Variants in SRC observed in about 807,000 individuals in gnomAD.
SRC encodes the protein proto-oncogene tyrosine-protein kinase Src.
A neutral mutation model predicts 62.9 loss-of-function variants in SRC; 13 were observed. The observed-to-expected ratio is 0.21, with a 90% CI of 0.13 to 0.33. The LOEUF (loss-of-function observed/expected upper bound fraction) is 0.33, where lower values mean the gene tolerates loss of function less well. SRC is among the 10% of genes least tolerant of loss of function. The pLI is 1.00. For synonymous variants in SRC, 302 were observed against 317.5 expected (o/e 0.95, Z 0.52); for missense variants, 457 against 737.3 (o/e 0.62, Z 4.40).
chr20:37,389,412 G>A (rs1197067540), intron 5 of SRC, among the ~76,000 whole-genome samples: 2 of 152,196 alleles, frequency 1.3e-5, no homozygotes, highest in East Asian at 1.9e-4. Flanking sequence ...GCGGCAGGGG[G>A]CACCTCGGGA....
chr20:37,383,414 G>A (rs980235656), intron 3 of SRC, among the ~76,000 whole-genome samples: 4 of 152,222 alleles, frequency 2.6e-5, no homozygotes, highest in South Asian at 2.1e-4. Flanking sequence ...TTTCCCCAGC[G>A]TTAGGCAATT....
intron 1 of SRC, among the ~76,000 whole-genome samples, chr20:37,353,083 T>C (rs1179419141): frequency 2.6e-5 from 4 of 152,228 alleles, no homozygotes; most frequent in Non-Finnish European, 5.9e-5. Context: ...AATCACCATA[T>C]TCCCAAGGGC....
intron 1 of SRC, among the ~76,000 whole-genome samples, chr20:37,356,425 G>C (rs1019669435): frequency 2.6e-5 from 4 of 152,158 alleles, no homozygotes; most frequent in Non-Finnish European, 5.9e-5. Context: ...GCTTCAGTGA[G>C]GTGGCCCTGG....
intron 1 of SRC, among the ~76,000 whole-genome samples, chr20:37,357,947 G>A (rs2069907752): frequency 2.0e-5 from 3 of 152,214 alleles, no homozygotes; most frequent in Admixed American, 2.0e-4. Flanking sequence ...GGATGGAGTA[G>A]AGCGAGGGGA....
chr20:37,372,781 A>G (rs186914497), intron 2 of SRC, among the ~76,000 whole-genome samples: 33 of 151,832 alleles, frequency 2.2e-4, no homozygotes, highest in African/African-American at 7.7e-4. Flanking sequence ...TTCTTATTTT[A>G]TGGGAGCTTA....
rs867157905 is a variant in SRC, at chr20:37,384,542, C to G, written c.250+139C>G. On this transcript the variant is annotated intron_variant, in intron 4 of 13. Coordinates refer to ENST00000373578, the MANE Select transcript of SRC (RefSeq NM_198291.3). This position sits in a 1 kb window ranked among gnomAD's most constrained non-coding sequence, Gnocchi z 6.7. ...TAGCGCCCCTGGGTGACTTGGGTGT[C>G]CGGGGGGTGGGGGGGCGGCCGTACA... The G allele has an allele frequency of 6.5e-3, 3,198 of 492,476 alleles. 55 individuals are homozygous for G. Among genetic ancestry groups the G allele is most frequent in the African/African-American group, 0.031 (1,379 of 44,472 alleles). 30.5% of individuals were successfully genotyped at this position (492,476 alleles called of 1,614,324 possible).
Position 37,351,719 on chromosome 20 carries a change from G to T in SRC, c.-247+5464G>T, listed in dbSNP as rs2069804330. ...GGGTCATAATAAGGTGACCCATTGT[G>T]TCCCTTGCTCCATCCTGGGAGCAGT... On this transcript the variant is annotated intron_variant, in intron 1 of 13. Coordinates refer to ENST00000373578, the MANE Select transcript of SRC (RefSeq NM_198291.3). This position sits in a 1 kb window ranked among gnomAD's most constrained non-coding sequence, Gnocchi z 4.4. Among the ~76,000 whole-genome samples the T allele has an allele frequency of 6.6e-6, 1 of 152,198 alleles. No individual in the cohort carries two copies. Among genetic ancestry groups the T allele is most frequent in the African/African-American group, 2.4e-5 (1 of 41,448 alleles).
At chr20:37,395,905 AGGATGT>A (rs1416521716) in intron 7 of SRC, among the ~76,000 whole-genome samples, 4 of 152,236 alleles carry the variant, frequency 2.6e-5, no homozygotes, top group Non-Finnish European at 5.9e-5. Flanking sequence ...TCTCATAGCT[AGGATGT>A]GCACCTGGGA....
intron 2 of SRC, among the ~76,000 whole-genome samples, chr20:37,382,184 C>T (rs746952655): frequency 8.5e-5 from 13 of 152,052 alleles, no homozygotes; most frequent in Non-Finnish European, 1.0e-4. Flanking sequence ...ACCTGCCTCC[C>T]TGGTGTGTCC....
chr20:37,405,041 G>A lies in SRC; in HGVS notation c.*1662G>A, dbSNP rs1023771785. 1 of 233,076 alleles carries A rather than the reference G, an allele frequency of 4.3e-6. No homozygotes were observed. The highest frequency in any genetic ancestry group is 2.2e-5 in the African/African-American group (1 of 45,226). 14.4% of individuals were successfully genotyped at this position (233,076 alleles called of 1,614,324 possible). On this transcript the variant is annotated 3_prime_UTR_variant, in exon 14 of 14. Transcript: ENST00000373578. The stretch of plus-strand genomic sequence containing the variant: ...TGCCAGGGGTTCTTGAGCCAGCCAG[G>A]CCCTGCCAGTGGGGAAGGAGGCCAA...
chr20:37,365,473 T>A (rs1169411650), intron 2 of SRC, among the ~76,000 whole-genome samples, 196 bp downstream of exon 2: 1 of 149,180 alleles, frequency 6.7e-6, no homozygotes, highest in Non-Finnish European at 1.5e-5. Flanking sequence ...CAAGCATATA[T>A]AAGCATGTAT....
chr20:37,387,172 G>A (rs2070468456), intron 5 of SRC, among the ~76,000 whole-genome samples: 1 of 152,232 alleles, frequency 6.6e-6, no homozygotes, highest in Admixed American at 6.5e-5. Context: ...ACTGCCCCGA[G>A]CGTGTCTGGC....
At chr20:37,368,278 C>T (rs1166116971) in intron 2 of SRC, among the ~76,000 whole-genome samples, 1 of 151,834 alleles carries the variant, frequency 6.6e-6, no homozygotes, top group East Asian at 2.0e-4. Flanking sequence ...ATTAGCCAGG[C>T]GCACTGGCGG....
chr20:37,362,485 C>A (rs1282854074), intron 1 of SRC, among the ~76,000 whole-genome samples: 3 of 152,114 alleles, frequency 2.0e-5, no homozygotes, highest in Non-Finnish European at 4.4e-5. Flanking sequence ...GGCCTGGTGC[C>A]CCAAGAATCT....
chr20:37,373,225 T>C (rs551244295), intron 2 of SRC, among the ~76,000 whole-genome samples: 25 of 148,262 alleles, frequency 1.7e-4, no homozygotes, highest in East Asian at 9.8e-4. Flanking sequence ...TGTACATACG[T>C]ACACACATGC....
At chr20:37,373,111 T>C (rs759370907) in intron 2 of SRC, among the ~76,000 whole-genome samples, 77 of 135,882 alleles carry the variant, frequency 5.7e-4, no homozygotes, top group South Asian at 3.6e-3. Flanking sequence ...CACATATATG[T>C]ACACACACAT....
intron 7 of SRC, among the ~76,000 whole-genome samples, 174 bp downstream of exon 7, chr20:37,394,451 C>T (rs1321056707): frequency 1.3e-5 from 2 of 152,102 alleles, no homozygotes; most frequent in Non-Finnish European, 2.9e-5. Context: ...CTGAGTAATC[C>T]GCGGTGGCCA....
At chr20:37,390,557 C>T (rs2070530587) in intron 5 of SRC, among the ~76,000 whole-genome samples, 1 of 151,992 alleles carries the variant, frequency 6.6e-6, no homozygotes, top group Admixed American at 6.6e-5. Context: ...AGGCACGCAC[C>T]ACCATGCCCA....
At chr20:37,360,327 G>A (rs2069950513) in intron 1 of SRC, among the ~76,000 whole-genome samples, 1 of 148,574 alleles carries the variant, frequency 6.7e-6, no homozygotes, top group South Asian at 2.2e-4. Flanking sequence ...GGGCTTGAGC[G>A]ATCCTTCCAC....
Sources: allele counts gnomAD v4.1 joint callset (sites outside exome capture counted in the v4.1 genomes callset), GRCh38; gene constraint gnomAD v4.1.1; non-coding constraint Gnocchi (gnomAD v3.1); transcripts MANE v1.5; gene names NCBI Gene and HGNC (gene_info 2026-07-23, HGNC 2026-07-21).